HUNK: variants seen among roughly 807,000 people sequenced by gnomAD.
The protein encoded by HUNK is hormonally up-regulated Neu-associated kinase.
In HUNK, 21 loss-of-function variants were observed where a neutral mutation model predicts 61.0. The ratio of observed to expected loss-of-function variants is 0.34; its 90% CI spans 0.24 to 0.50. HUNK has a LOEUF of 0.50. Ranked by LOEUF, HUNK falls within the 20% of genes least tolerant of loss-of-function variation. HUNK has a pLI of 0.98. For missense variants in HUNK, 772 were observed against 945.7 expected, an observed-to-expected ratio of 0.82 and a Z score of 2.41; for synonymous variants, 371 against 386.1, an observed-to-expected ratio of 0.96 and a Z score of 0.46.
Position 31,924,647 on chromosome 21 carries a change from C to T in HUNK, c.441C>T (p.Asn147=), listed in dbSNP as rs1263156092. 2 of 1,614,154 alleles carry T rather than the reference C, an allele frequency of 1.2e-6. No homozygotes were observed. The highest frequency in any genetic ancestry group is 1.7e-5 in the Admixed American group (1 of 60,014). The change falls in exon 2 of 11, where the codon AAC becomes AAT. Residue 147 remains asparagine, a synonymous_variant. Coordinates refer to ENST00000270112, the MANE Select transcript of HUNK (RefSeq NM_014586.2). This position sits in a 1 kb window ranked among gnomAD's most constrained non-coding sequence, Gnocchi z 5.1. Reference sequence around the variant, plus strand: ...TCATGGAGCTGTGCCCTGGGGGCAACCTGATGCACAAGATCTATGAGAAGA... The same window carrying T: ...TCATGGAGCTGTGCCCTGGGGGCAATCTGATGCACAAGATCTATGAGAAGA... ...YLVMELCPGG[N]LMHKIYEKKR...
chr21:31,921,411 G>T (rs371786579), intron 1 of HUNK, among the ~76,000 whole-genome samples: 1 of 151,514 alleles, frequency 6.6e-6, no homozygotes, highest in East Asian at 1.9e-4. Context: ...CTGGTAGGGA[G>T]GTTAGCCTCT....
intron 5 of HUNK, among the ~76,000 whole-genome samples, chr21:31,960,292 A>G (rs2052918180): frequency 6.6e-6 from 1 of 152,164 alleles, no homozygotes; most frequent in African/African-American, 2.4e-5. Flanking sequence ...AAATAAATAA[A>G]TGGGTAATAA....
chr21:31,980,765 C>T (rs12710417), intron 7 of HUNK, among the ~76,000 whole-genome samples: 36,023 of 151,648 alleles, frequency 0.24, 4,439 homozygotes, highest in Non-Finnish European at 0.28. Context: ...AGTGCAATGG[C>T]GAGATCTCCA....
At chr21:31,982,549 G>A (rs751918561) in intron 7 of HUNK, among the ~76,000 whole-genome samples, 1 of 152,088 alleles carries the variant, frequency 6.6e-6, no homozygotes, top group East Asian at 1.9e-4. Flanking sequence ...TTAAAACCAC[G>A]AAGTTCGTAT....
intron 4 of HUNK, 115 bp downstream of exon 4, chr21:31,946,286 T>C (rs2052802743): frequency 2.9e-6 from 3 of 1,019,042 alleles, no homozygotes; most frequent in African/African-American, 3.2e-5. Flanking sequence ...CCCAGGAGTA[T>C]GTCATCAGGG....
chr21:31,991,693 G>A (rs1172632539), intron 9 of HUNK, among the ~76,000 whole-genome samples: 2 of 152,194 alleles, frequency 1.3e-5, no homozygotes, highest in Non-Finnish European at 2.9e-5. Context: ...AGCCTGGTGA[G>A]GCTTATTAAT....
chr21:31,942,348 T>G (rs1227008450), intron 3 of HUNK, among the ~76,000 whole-genome samples: 1 of 152,210 alleles, frequency 6.6e-6, no homozygotes, highest in Non-Finnish European at 1.5e-5. Context: ...GCTTTCTCCT[T>G]AAGTGGTAGC....
intron 1 of HUNK, among the ~76,000 whole-genome samples, chr21:31,895,729 G>A (rs761812032): frequency 3.9e-5 from 6 of 152,166 alleles, no homozygotes; most frequent in Non-Finnish European, 8.8e-5. Flanking sequence ...GGGCCAGTGA[G>A]CTGCTGTGTG....
intron 9 of HUNK, 116 bp downstream of exon 9, chr21:31,990,292 C>T: frequency 9.9e-7 from 1 of 1,009,134 alleles, no homozygotes; most frequent in Non-Finnish European, 1.5e-6. Context: ...TTGGCTCACA[C>T]AGTTTTGTGG....
Position 32,000,794 on chromosome 21 carries a change from C to A in HUNK, c.*1610C>A. ...CCAGTGGTGACATCCTTCAGTCCCT[C>A]ACATCTCTGACAGAGCGGGACAGAA... On this transcript the variant is annotated 3_prime_UTR_variant, in exon 11 of 11. Transcript: ENST00000270112. 2.5e-6 allele frequency: 1 copy of A among 398,586 alleles called. No individual in the cohort carries two copies. The highest frequency in any genetic ancestry group is 1.3e-4 in the South Asian group (1 of 7,772). The allele number at this position is 398,586 out of a possible 1,614,324, so 24.7% of individuals were successfully genotyped here.
At position 31,999,416 on chromosome 21, in the gene HUNK, TCTTC is replaced by T. The variant is rs2053231179; in HGVS notation, c.*239_*242del. 1 of 504,000 alleles carries T rather than the reference TCTTC, an allele frequency of 2.0e-6. No individual in the cohort carries two copies. 31.2% of individuals were successfully genotyped at this position (504,000 alleles called of 1,614,324 possible). A position where few individuals can be genotyped will look rare whatever the true frequency, so the allele number is the denominator to read the frequency against. ...GGGCAGCCAATTCCTATCATTCAGA[TCTTC>T]CTTCCTCCCAAGTACTCACCAACCC... On this transcript the variant is annotated 3_prime_UTR_variant, in exon 11 of 11. Coordinates refer to ENST00000270112, the MANE Select transcript of HUNK (RefSeq NM_014586.2).
intron 1 of HUNK, among the ~76,000 whole-genome samples, chr21:31,892,176 T>C (rs1171551227): frequency 8.6e-6 from 1 of 116,446 alleles, no homozygotes; most frequent in African/African-American, 3.3e-5. Flanking sequence ...TATATATATA[T>C]ATATAGAGAG....
chr21:31,964,488 T>C (rs957697971), intron 5 of HUNK, among the ~76,000 whole-genome samples: 2 of 152,210 alleles, frequency 1.3e-5, no homozygotes, highest in African/African-American at 4.8e-5. Flanking sequence ...GAAGGTGTTC[T>C]GTGTGTTACG....
At chr21:31,936,663 C>T (rs1036906165) in intron 2 of HUNK, among the ~76,000 whole-genome samples, 1 of 152,076 alleles carries the variant, frequency 6.6e-6, no homozygotes, top group African/African-American at 2.4e-5. Context: ...TCTCAGTTTG[C>T]CTAATAATTA....
intron 1 of HUNK, among the ~76,000 whole-genome samples, chr21:31,909,948 G>T (rs73361262): frequency 6.6e-6 from 1 of 152,144 alleles, no homozygotes; most frequent in Non-Finnish European, 1.5e-5. Flanking sequence ...GGCTGGAGCC[G>T]GGAGCCGGGA....
chr21:31,948,412 G>A (rs2052825056), intron 4 of HUNK, among the ~76,000 whole-genome samples: 1 of 152,180 alleles, frequency 6.6e-6, no homozygotes, highest in African/African-American at 2.4e-5. Context: ...AGCCCTCTGT[G>A]TCTCCAGCTG....
At chr21:31,918,895 G>C (rs2052603192) in intron 1 of HUNK, among the ~76,000 whole-genome samples, 2 of 152,188 alleles carry the variant, frequency 1.3e-5, no homozygotes, top group South Asian at 4.1e-4. Context: ...CACTGGGCCT[G>C]CTTCACGGAA....
chr21:31,903,054 T>C (rs886898116), intron 1 of HUNK, among the ~76,000 whole-genome samples: 2 of 152,120 alleles, frequency 1.3e-5, no homozygotes, highest in Admixed American at 1.3e-4. Flanking sequence ...TAAATCTTGA[T>C]TCGATGAAAG....
At chr21:31,990,054 G>A in intron 8 of HUNK, 75 bp from the exon 9 acceptor site, 2 of 1,295,026 alleles carry the variant, frequency 1.5e-6, no homozygotes, top group Non-Finnish European at 2.2e-6. Context: ...GAGCTGCAGG[G>A]CCGTAGGGGA....
Sources: gnomAD v4.1 joint callset for allele counts (sites outside exome capture counted in the v4.1 genomes callset) on GRCh38, gnomAD v4.1.1 for gene constraint, Gnocchi (gnomAD v3.1) non-coding constraint, MANE v1.5 for transcripts, NCBI Gene and HGNC (gene_info 2026-07-23, HGNC 2026-07-21) for gene names.